The following KCTD16 variants were observed in gnomAD, a reference collection of about 807,000 sequenced individuals.
KCTD16 encodes potassium channel tetramerization domain containing 16.
In KCTD16, 13 loss-of-function variants were observed where a neutral mutation model predicts 33.2. The observed-to-expected ratio is 0.39, with a 90% CI of 0.25 to 0.62. The LOEUF (loss-of-function observed/expected upper bound fraction) is 0.62. KCTD16 is among the 20% of genes least tolerant of loss of function. KCTD16 has a pLI of 0.50. For missense variants in KCTD16, 441 were observed against 525.1 expected (o/e 0.84, Z 1.57); for synonymous variants, 197 against 195.3 (o/e 1.01, Z -0.07).
At chr5:144,365,271 G>C (rs983990992) in intron 3 of KCTD16, among the ~76,000 whole-genome samples, 6 of 151,832 alleles carry the variant, frequency 4.0e-5, no homozygotes, top group African/African-American at 1.5e-4. Context: ...TACTGGAGTG[G>C]GTTTGGTAGA....
At chr5:144,320,207 TA>T (rs1752036682) in intron 3 of KCTD16, among the ~76,000 whole-genome samples, 1 of 152,180 alleles carries the variant, frequency 6.6e-6, no homozygotes, top group African/African-American at 2.4e-5. Context: ...TATAATCTTT[TA>T]AAATTTAACA....
At chr5:144,217,615 C>G (rs1455474241) in intron 3 of KCTD16, among the ~76,000 whole-genome samples, 1 of 152,014 alleles carries the variant, frequency 6.6e-6, no homozygotes, top group Admixed American at 6.6e-5. Flanking sequence ...TTATTGAGGA[C>G]CTGTCTTATA....
At chr5:144,186,373 A>AAAAC (rs1752727031) in intron 2 of KCTD16, among the ~76,000 whole-genome samples, 1 of 151,568 alleles carries the variant, frequency 6.6e-6, no homozygotes, top group East Asian at 1.9e-4. Context: ...AGAAAAAAAA[A>AAAAC]AAAACTAATG....
chr5:144,175,372 A>G (rs538623321), intron 2 of KCTD16, among the ~76,000 whole-genome samples: 25 of 152,368 alleles, frequency 1.6e-4, no homozygotes, highest in Admixed American at 5.9e-4. Context: ...TGAAATGTGA[A>G]TGAAGAAAAG....
At chr5:144,302,954 A>G (rs1392605108) in intron 3 of KCTD16, among the ~76,000 whole-genome samples, 1 of 152,252 alleles carries the variant, frequency 6.6e-6, no homozygotes, top group Admixed American at 6.5e-5. Flanking sequence ...AATGAGCAGC[A>G]GGATATTGTG....
At position 144,483,358 on chromosome 5, in the gene KCTD16, G is replaced by A. The variant is rs1171135096; in HGVS notation, c.*9244G>A. 6.6e-6 allele frequency: 1 copy of A among 151,714 alleles called. No individual in the cohort carries two copies. Among genetic ancestry groups the A allele is most frequent in the Non-Finnish European group, 1.5e-5 (1 of 67,878 alleles). 9.4% of individuals were successfully genotyped at this position (151,714 alleles called of 1,614,324 possible). A position where few individuals can be genotyped will look rare whatever the true frequency, so the allele number is the denominator to read the frequency against. ...TCCTGTGTCCCTACATGATTTATCGGTGGAGCTAATTATCTATTTATTTAA... is the reference window on the plus strand; with the variant it reads ...TCCTGTGTCCCTACATGATTTATCGATGGAGCTAATTATCTATTTATTTAA... On this transcript the variant is annotated 3_prime_UTR_variant, in exon 4 of 4. Transcript: ENST00000512467.
At chr5:144,180,956 G>A (rs563175569) in intron 2 of KCTD16, among the ~76,000 whole-genome samples, 2 of 149,674 alleles carry the variant, frequency 1.3e-5, no homozygotes, top group Non-Finnish European at 3.0e-5. Context: ...TTTTTGAGAC[G>A]GAGTCTCGCT....
At chr5:144,205,225 G>C in intron 2 of KCTD16, 1 of 259,790 alleles carries the variant, frequency 3.8e-6, no homozygotes, top group East Asian at 6.8e-5. Flanking sequence ...CCTGGCAATC[G>C]CGTGCCCACC....
chr5:144,439,888 A>G (rs998815523), intron 3 of KCTD16, among the ~76,000 whole-genome samples: 2 of 152,072 alleles, frequency 1.3e-5, no homozygotes, highest in Non-Finnish European at 2.9e-5. Context: ...GAAACTTTCC[A>G]TATTATTCAA....
At chr5:144,428,108 C>T (rs1292889508) in intron 3 of KCTD16, among the ~76,000 whole-genome samples, 8 of 152,042 alleles carry the variant, frequency 5.3e-5, no homozygotes, top group Non-Finnish European at 1.0e-4. Context: ...TTTGTTACAC[C>T]CCATAGAAGG....
At chr5:144,210,808 A>G (rs985246105) in intron 3 of KCTD16, among the ~76,000 whole-genome samples, 2 of 152,164 alleles carry the variant, frequency 1.3e-5, no homozygotes, top group Non-Finnish European at 2.9e-5. Flanking sequence ...GCACATTTCC[A>G]TAAGCCTACT....
chr5:144,421,170 A>G (rs1753199990), intron 3 of KCTD16, among the ~76,000 whole-genome samples: 1 of 152,138 alleles, frequency 6.6e-6, no homozygotes, highest in Non-Finnish European at 1.5e-5. Context: ...TTTGTCCTTA[A>G]CTTTGAATGG....
chr5:144,292,236 GA>G (rs1361873878), intron 3 of KCTD16, among the ~76,000 whole-genome samples: 2 of 152,246 alleles, frequency 1.3e-5, no homozygotes, highest in African/African-American at 4.8e-5. Context: ...CAGTTCAGGG[GA>G]GTGGTATTTT....
Position 144,407,453 on chromosome 5 carries a change from G to T in KCTD16, c.833-66207G>T, listed in dbSNP as rs571558387. Among the ~76,000 whole-genome samples the T allele has an allele frequency of 1.5e-4, 23 of 151,928 alleles. No homozygotes were observed. The South Asian group carries it at 4.6e-3, about 30-fold the overall frequency. ...ATAGGTAAATTGCAATATAATGGGG[G>T]TTTAGCGTACATATTATTTTGTCCC... is the stretch of plus-strand genomic sequence containing the variant. On this transcript the variant is annotated intron_variant, in intron 3 of 3. Transcript: ENST00000512467.
At position 144,459,824 on chromosome 5, in the gene KCTD16, C is replaced by CTTTTTTT. The variant is rs70995051; in HGVS notation, c.833-13817_833-13811dup. 2.0e-3 allele frequency among the ~76,000 whole-genome samples: 135 copies of CTTTTTTT among 66,774 alleles called. 3 individuals are homozygous for CTTTTTTT. Among genetic ancestry groups the CTTTTTTT allele is most frequent in the East Asian group, 2.8e-3 (5 of 1,774 alleles). The allele number at this position is 66,774 out of a possible 152,430, so 43.8% of individuals were successfully genotyped here. On this transcript the variant is annotated intron_variant, in intron 3 of 3. Coordinates refer to ENST00000512467, the MANE Select transcript of KCTD16 (RefSeq NM_020768.4). Reference sequence around the variant, plus strand: ...CTCCTGTCTCCCTCTCCAATATCATCTTTTTTTTTTTTTTTTTTTTTTTTT... The same window carrying CTTTTTTT: ...CTCCTGTCTCCCTCTCCAATATCATCTTTTTTTTTTTTTTTTTTTTTTTTTTTTTTTT...
At chr5:144,463,150 T>C (rs1178601882) in intron 3 of KCTD16, among the ~76,000 whole-genome samples, 1 of 152,204 alleles carries the variant, frequency 6.6e-6, no homozygotes, top group Non-Finnish European at 1.5e-5. Context: ...CAGTGGTGTT[T>C]TCCTAAATAT....
chr5:144,180,972 G>A (rs936471293), intron 2 of KCTD16, among the ~76,000 whole-genome samples: 1 of 148,838 alleles, frequency 6.7e-6, no homozygotes, highest in Non-Finnish European at 1.5e-5. Context: ...TCGCTCTGTC[G>A]CCCAGGCTGG....
chr5:144,260,734 CTGTTTTTTTTGTTGTTGTTGTTGTT>C (rs1030920639), intron 3 of KCTD16, among the ~76,000 whole-genome samples: 1 of 137,938 alleles, frequency 7.2e-6, no homozygotes, highest in African/African-American at 2.6e-5. Context: ...AGATGGTTGC[CTGTTTTTTTTGTTGTTGTTGTTGTT>C]TGTTTTTTTA....
At chr5:144,195,392 T>C (rs938974641) in intron 2 of KCTD16, among the ~76,000 whole-genome samples, 1 of 152,246 alleles carries the variant, frequency 6.6e-6, no homozygotes, top group African/African-American at 2.4e-5. Flanking sequence ...TGGGGGCATC[T>C]GAGGTTGTTG....
Sources: allele counts gnomAD v4.1 joint callset (sites outside exome capture counted in the v4.1 genomes callset), GRCh38; gene constraint gnomAD v4.1.1; transcripts MANE v1.5; gene names NCBI Gene and HGNC (gene_info 2026-07-23, HGNC 2026-07-21).